Variants in ARRB1 observed in about 807,000 individuals in gnomAD.
The protein encoded by ARRB1 is arrestin beta 1, also known as beta-arrestin-1.
A neutral mutation model predicts 56.8 loss-of-function variants in ARRB1; 21 were observed. The observed-to-expected ratio is 0.37, with a 90% CI of 0.26 to 0.53. ARRB1 has a LOEUF of 0.53. ARRB1 is among the 20% of genes least tolerant of loss of function. ARRB1 has a pLI of 0.88. For synonymous variants in ARRB1, 210 were observed against 218.6 expected (o/e 0.96, Z 0.35); for missense variants, 424 against 553.7 (o/e 0.77, Z 2.35).
At chr11:75,342,424 C>T (rs897053867) in intron 1 of ARRB1, among the ~76,000 whole-genome samples, 2 of 152,140 alleles carry the variant, frequency 1.3e-5, no homozygotes, top group Non-Finnish European at 2.9e-5. Context: ...GAATTCTGTC[C>T]CCAGTAATTA....
At chr11:75,296,942 G>T (rs539817370) in intron 1 of ARRB1, among the ~76,000 whole-genome samples, 1 of 152,250 alleles carries the variant, frequency 6.6e-6, no homozygotes, top group Admixed American at 6.5e-5. Flanking sequence ...TTACAGGTGT[G>T]AGCCACTGTG....
chr11:75,314,610 GT>G (rs5792685), intron 1 of ARRB1, among the ~76,000 whole-genome samples: 10,765 of 151,076 alleles, frequency 0.071, 1,278 homozygotes, highest in African/African-American at 0.25. Context: ...ACAACAGCAC[GT>G]TTTTTTTTCT....
intron 1 of ARRB1, among the ~76,000 whole-genome samples, chr11:75,303,245 G>A (rs564891839): frequency 6.5e-4 from 99 of 152,094 alleles, no homozygotes; most frequent in Middle Eastern, 3.4e-3. Context: ...CAAGTGATCC[G>A]CCCATCTCAG....
At chr11:75,334,792 T>C (rs907306510) in intron 1 of ARRB1, among the ~76,000 whole-genome samples, 12 of 152,266 alleles carry the variant, frequency 7.9e-5, no homozygotes, top group African/African-American at 2.9e-4. Flanking sequence ...CTCTAACCTA[T>C]GACAGATCTC....
chr11:75,286,302 C>T (rs138683403), intron 3 of ARRB1, among the ~76,000 whole-genome samples: 1 of 118,230 alleles, frequency 8.5e-6, no homozygotes, highest in African/African-American at 3.3e-5. Flanking sequence ...CAGAGTCTTG[C>T]TCTGTCACCC....
At chr11:75,286,719 C>T (rs1946487706) in intron 3 of ARRB1, among the ~76,000 whole-genome samples, 1 of 152,144 alleles carries the variant, frequency 6.6e-6, no homozygotes, top group South Asian at 2.1e-4. Context: ...GCAGAAATTG[C>T]AAAACCCTGA....
intron 1 of ARRB1, among the ~76,000 whole-genome samples, chr11:75,318,240 T>C (rs924826050): frequency 3.3e-4 from 48 of 145,308 alleles, no homozygotes; most frequent in African/African-American, 1.2e-3. Flanking sequence ...CATAGCTCAC[T>C]GCAGCCTCAA....
chr11:75,296,466 C>G (rs1946753274), intron 1 of ARRB1, among the ~76,000 whole-genome samples: 1 of 152,030 alleles, frequency 6.6e-6, no homozygotes, highest in South Asian at 2.1e-4. Flanking sequence ...CTCCAGTGAG[C>G]CTCATTCCCC....
intron 2 of ARRB1, among the ~76,000 whole-genome samples, chr11:75,287,879 C>T (rs1591922800): frequency 1.3e-5 from 2 of 151,828 alleles, no homozygotes; most frequent in South Asian, 2.1e-4. Context: ...ATTTTTTTTT[C>T]GAGATGGAAT....
intron 13 of ARRB1, among the ~76,000 whole-genome samples, chr11:75,270,206 C>T (rs576839664): frequency 3.9e-5 from 6 of 152,220 alleles, no homozygotes; most frequent in African/African-American, 7.2e-5. Context: ...CTTGACCAGG[C>T]GCAGTGGCTC....
At chr11:75,314,085 C>T (rs1947220687) in intron 1 of ARRB1, among the ~76,000 whole-genome samples, 1 of 152,244 alleles carries the variant, frequency 6.6e-6, no homozygotes, top group South Asian at 2.1e-4. Flanking sequence ...CCACACTGAC[C>T]TTGGTCAGTT....
intron 1 of ARRB1, among the ~76,000 whole-genome samples, chr11:75,303,087 C>T (rs1295810190): frequency 8.6e-5 from 13 of 151,972 alleles, no homozygotes; most frequent in East Asian, 1.9e-4. Flanking sequence ...CTGCAACCTC[C>T]GCCTCCTGGG....
Position 75,264,297 on chromosome 11 carries a change from C to T in ARRB1, c.*1866G>A, listed in dbSNP as rs562539129. The T allele has an allele frequency of 2.0e-5, 3 of 152,354 alleles. No individual in the cohort carries two copies. In the East Asian group the frequency reaches 5.8e-4, roughly 29 times the overall value. The allele number at this position is 152,354 out of a possible 1,614,324, so 9.4% of individuals were successfully genotyped here. ...TGGACTGGAAAGGATTGAGATGCCA[C>T]TTGTATAAGATTTTTTGTCTCCCTT... On this transcript the variant is annotated 3_prime_UTR_variant, in exon 16 of 16. Transcript: ENST00000420843.
chr11:75,266,721 A>G (rs1016776827), intron 15 of ARRB1, among the ~76,000 whole-genome samples: 6 of 152,056 alleles, frequency 3.9e-5, no homozygotes, highest in Non-Finnish European at 7.4e-5. Context: ...CCAGAAAACT[A>G]CCCTTAGGAA....
intron 11 of ARRB1, among the ~76,000 whole-genome samples, 197 bp downstream of exon 11, chr11:75,273,877 T>A (rs1381773278): frequency 6.6e-6 from 1 of 152,178 alleles, no homozygotes; most frequent in African/African-American, 2.4e-5. Flanking sequence ...GTCCATCTTA[T>A]TCTCTCAGTC....
At position 75,260,953 on chromosome 11, in the gene ARRB1, CCTG is replaced by C. The variant is rs1205138506; in HGVS notation, c.*5207_*5209del. On this transcript the variant is annotated 3_prime_UTR_variant, in exon 16 of 16. Coordinates refer to ENST00000420843, the MANE Select transcript of ARRB1 (RefSeq NM_004041.5). ...GCCTCTCTCCTATCACACTGCTTCT[CCTG>C]CTGTGTCCCTTGGGCCTAGGCCAGG... is the stretch of plus-strand genomic sequence containing the variant. 2.0e-5 allele frequency: 3 copies of C among 152,264 alleles called. No individual in the cohort carries two copies. The highest frequency in any genetic ancestry group is 7.2e-5 in the African/African-American group (3 of 41,444). The allele number at this position is 152,264 out of a possible 1,614,324, so 9.4% of individuals were successfully genotyped here. A position where few individuals can be genotyped will look rare whatever the true frequency, so the allele number is the denominator to read the frequency against.
At chr11:75,325,064 T>A (rs892844141) in intron 1 of ARRB1, among the ~76,000 whole-genome samples, 8 of 152,252 alleles carry the variant, frequency 5.3e-5, no homozygotes, top group African/African-American at 1.9e-4. Context: ...AGAGAACGTA[T>A]GCTGGTTGTC....
chr11:75,290,738 C>T (rs974302946), intron 1 of ARRB1, among the ~76,000 whole-genome samples: 1 of 152,108 alleles, frequency 6.6e-6, no homozygotes, highest in Non-Finnish European at 1.5e-5. Flanking sequence ...CACGCCACCA[C>T]CCTGGGCTAA....
intron 3 of ARRB1, among the ~76,000 whole-genome samples, chr11:75,285,857 G>A (rs1946456853): frequency 6.6e-6 from 1 of 152,180 alleles, no homozygotes; most frequent in Admixed American, 6.5e-5. Context: ...AATGGACATG[G>A]ACAACCCTGG....
Sources: gnomAD v4.1 joint callset for allele counts (sites outside exome capture counted in the v4.1 genomes callset) on GRCh38, gnomAD v4.1.1 for gene constraint, MANE v1.5 for transcripts, NCBI Gene and HGNC (gene_info 2026-07-23, HGNC 2026-07-21) for gene names.